CRYBG3: variants seen among roughly 807,000 people sequenced by gnomAD.
CRYBG3 encodes crystallin beta-gamma domain containing 3.
Under a neutral mutation model 244.2 loss-of-function variants are expected in CRYBG3, and 127 were observed. That is an observed-to-expected ratio of 0.52 (90% CI 0.45 to 0.60). The LOEUF (loss-of-function observed/expected upper bound fraction) is 0.60. Ranked by LOEUF, CRYBG3 falls within the 20% of genes least tolerant of loss-of-function variation. The pLI is 0.00. For synonymous variants in CRYBG3, 1,132 were observed against 1,195.8 expected (o/e 0.95, Z 1.10); for missense variants, 3,325 against 3,442.5 (o/e 0.97, Z 0.85).
chr3:97,873,149 T>G lies in CRYBG3; in HGVS notation c.1955T>G (p.Phe652Cys). The change falls in exon 4 of 22, where the codon TTC (phenylalanine) becomes TGC (cysteine). Residue 652 changes from phenylalanine (F) to cysteine (C), a missense_variant. Phe to Cys is a radical substitution (Grantham distance 205). Around this residue, in one of 4 missense-constraint regions of CRYBG3, gnomAD observed 1,526 missense variants for 1,443.2 expected, o/e 1.06. Transcript: ENST00000389622. ...AGCCTTGACTGTAAAAAACTAAATTTCAGTATTTCACCTCCTACCTTTGTT... is the reference window on the plus strand; with the variant it reads ...AGCCTTGACTGTAAAAAACTAAATTGCAGTATTTCACCTCCTACCTTTGTT... ...SLSLDCKKLN[F>C]SISPPTFVSG... 1 of 1,535,780 alleles carries G rather than the reference T, an allele frequency of 6.5e-7. No homozygotes were observed. Among genetic ancestry groups the G allele is most frequent in the Non-Finnish European group, 8.7e-7 (1 of 1,146,688 alleles).
intron 17 of CRYBG3, among the ~76,000 whole-genome samples, chr3:97,931,772 A>G (rs2040099845): frequency 6.6e-6 from 1 of 151,984 alleles, no homozygotes; most frequent in Non-Finnish European, 1.5e-5. Context: ...TGTCTGTTTT[A>G]TCACTGTGAT....
chr3:97,875,294 A>G lies in CRYBG3; in HGVS notation c.4100A>G (p.Gln1367Arg). ...EFLVSEQPVN[Q>R]STQISENKVL... ...TTGGTTTCAGAACAGCCAGTAAATC[A>G]AAGCACACAAATTAGTGAAAATAAA... is the stretch of plus-strand genomic sequence containing the variant. Residue 1367 changes from glutamine to arginine, a missense_variant, in exon 4 of 22, where the codon CAA becomes CGA. Transcript: ENST00000389622. 1 of 1,456,114 alleles carries G rather than the reference A, an allele frequency of 6.9e-7. No individual in the cohort carries two copies. The allele number at this position is 1,456,114 out of a possible 1,614,324, so 90.2% of individuals were successfully genotyped here. A position where few individuals can be genotyped will look rare whatever the true frequency, so the allele number is the denominator to read the frequency against.
chr3:97,891,177 G>A (rs572398465), intron 10 of CRYBG3, among the ~76,000 whole-genome samples: 14 of 152,238 alleles, frequency 9.2e-5, no homozygotes, highest in Non-Finnish European at 4.4e-5. Context: ...TCTCAAGAGA[G>A]TTCTTTAGGG....
chr3:97,868,308 G>C (rs917685181), intron 3 of CRYBG3, among the ~76,000 whole-genome samples: 2 of 150,736 alleles, frequency 1.3e-5, no homozygotes, highest in Non-Finnish European at 3.0e-5. Context: ...AAATATTATT[G>C]AATTGTGTGG....
chr3:97,897,350 C>T (rs965069696), intron 12 of CRYBG3, among the ~76,000 whole-genome samples: 25 of 151,964 alleles, frequency 1.6e-4, no homozygotes, highest in African/African-American at 6.0e-4. Flanking sequence ...TATCTTTGGG[C>T]CTGAAGCAAT....
intron 17 of CRYBG3, 124 bp from the exon 18 acceptor site, chr3:97,933,570 G>A: frequency 1.1e-6 from 1 of 947,230 alleles, no homozygotes; most frequent in Admixed American, 1.9e-5. Context: ...AGCAACCTTA[G>A]AGAGTAAAAC....
chr3:97,848,721 C>T (rs1165589519), intron 2 of CRYBG3, among the ~76,000 whole-genome samples: 1 of 152,234 alleles, frequency 6.6e-6, no homozygotes, highest in East Asian at 1.9e-4. Context: ...TACACCATTG[C>T]TCCTGGTGTC....
rs1228781606 is a variant in CRYBG3, at chr3:97,872,178, T to C, written c.984T>C (p.Ser328=). 1.2e-5 allele frequency: 18 copies of C among 1,535,518 alleles called. No individual in the cohort carries two copies. The highest frequency in any genetic ancestry group is 1.6e-5 in the Non-Finnish European group (18 of 1,146,514). ...ACCCAGAACTGCAGAATATTGCCTC[T>C]TCCAATAATCTTTTAAATAAAAATG... The part of the protein sequence containing the change: ...TNNPELQNIA[S]SNNLLNKNAW... The change falls in exon 4 of 22, where the codon TCT becomes TCC. Residue 328 remains serine (S), a synonymous_variant. Coordinates refer to ENST00000389622, the MANE Select transcript of CRYBG3 (RefSeq NM_153605.4).
chr3:97,862,502 C>G lies in CRYBG3; in HGVS notation c.217-1715C>G, dbSNP rs2039165098. On this transcript the variant is annotated intron_variant, in intron 2 of 21. Transcript: ENST00000389622. ...TTCATGTTCCAGTGTTCTTTTTGAC[C>G]TGGGGAGAAATATTGTGGCTAAAAG... Among the ~76,000 whole-genome samples the G allele has an allele frequency of 2.0e-5, 3 of 152,016 alleles. No homozygotes were observed. The South Asian group carries it at 6.2e-4, about 32-fold the overall frequency.
At chr3:97,902,164 T>TG (rs1301666272) in intron 15 of CRYBG3, among the ~76,000 whole-genome samples, 5 of 152,140 alleles carry the variant, frequency 3.3e-5, no homozygotes, top group African/African-American at 1.2e-4. Flanking sequence ...TGTGTTCAGA[T>TG]GGGGTACTAA....
intron 15 of CRYBG3, among the ~76,000 whole-genome samples, chr3:97,911,876 GA>G (rs2039876582): frequency 6.6e-6 from 1 of 152,158 alleles, no homozygotes; most frequent in Non-Finnish European, 1.5e-5. Flanking sequence ...GGAGGACTCT[GA>G]TGTACTCTTC....
chr3:97,873,938 C>T lies in CRYBG3; in HGVS notation c.2744C>T (p.Ala915Val), dbSNP rs1297579798. The stretch of plus-strand genomic sequence containing the variant: ...TGCCAAGCTGAGCTTTCTCCTGCTG[C>T]CTCCAAATATGAAGATAAGCCAGAA... ...ENCQAELSPA[A>V]SKYEDKPEPE... Residue 915 changes from alanine (A) to valine (V), a missense_variant, in exon 4 of 22, where the codon GCC becomes GTC. Ala to Val is a moderately conservative substitution (Grantham distance 64, BLOSUM62 0). Coordinates refer to ENST00000389622, the MANE Select transcript of CRYBG3 (RefSeq NM_153605.4). 1.3e-5 allele frequency: 20 copies of T among 1,535,584 alleles called. No individual in the cohort carries two copies. The highest frequency in any genetic ancestry group is 1.7e-5 in the Non-Finnish European group (20 of 1,146,792).
At chr3:97,930,864 T>A (rs2040090087) in intron 17 of CRYBG3, among the ~76,000 whole-genome samples, 1 of 152,028 alleles carries the variant, frequency 6.6e-6, no homozygotes. Flanking sequence ...TATTCACACA[T>A]TTCCTGATTT....
In CRYBG3 at chr3:97,874,498, C is replaced by T; in HGVS notation, c.3304C>T (p.Leu1102=). The T allele has an allele frequency of 1.3e-6, 2 of 1,534,154 alleles. No individual in the cohort carries two copies. The highest frequency in any genetic ancestry group is 1.7e-6 in the Non-Finnish European group (2 of 1,146,144). ...LTHEGTSVTN[L]LYPTTSYLEF... ...ACATGAAGGTACCTCTGTAACTAAC[C>T]TGTTGTACCCTACTACCTCTTATTT... The change falls in exon 4 of 22, where the codon CTG becomes TTG. Residue 1102 remains leucine, a synonymous_variant. Coordinates refer to ENST00000389622, the MANE Select transcript of CRYBG3 (RefSeq NM_153605.4).
At position 97,943,148 on chromosome 3, in the gene CRYBG3, CAGA is replaced by C. The variant is rs2040269332; in HGVS notation, c.8825-75_8825-73del. The C allele has an allele frequency of 3.8e-6, 3 of 784,722 alleles. No homozygotes were observed. The Admixed American group carries it at 7.0e-5, about 18-fold the overall frequency. 48.6% of individuals were successfully genotyped at this position (784,722 alleles called of 1,614,324 possible). On this transcript the variant is annotated intron_variant, in intron 21 of 21. Transcript: ENST00000389622. Reference sequence around the variant, plus strand: ...TCATCCACCGAAATGGTGAGCTGAACAGAAGCTTGTGAAAATTGTGAAATTGCT... The same window carrying C: ...TCATCCACCGAAATGGTGAGCTGAACAGCTTGTGAAAATTGTGAAATTGCT...
intron 1 of CRYBG3, among the ~76,000 whole-genome samples, chr3:97,838,256 C>T (rs2038761945): frequency 1.3e-5 from 2 of 152,188 alleles, no homozygotes; most frequent in South Asian, 2.1e-4. Context: ...GTAGTGTTTT[C>T]TAAATAATTG....
Position 97,872,637 on chromosome 3 carries a change from T to A in CRYBG3, c.1443T>A (p.Asp481Glu), listed in dbSNP as rs2039319056. The change falls in exon 4 of 22, where the codon GAT (aspartate) becomes GAA (glutamate). Residue 481 changes from aspartate to glutamate, a missense_variant. Asp to Glu is a conservative substitution (Grantham distance 45, BLOSUM62 2). Coordinates refer to ENST00000389622, the MANE Select transcript of CRYBG3 (RefSeq NM_153605.4). Reference protein sequence around the residue: ...ESECSDKQTIDSSSKQAATHT... With the variant: ...ESECSDKQTIESSSKQAATHT... The stretch of plus-strand genomic sequence containing the variant: ...AGTGTTCTGACAAGCAAACCATAGA[T>A]AGCTCATCAAAGCAAGCTGCCACTC... The A allele has an allele frequency of 6.5e-7, 1 of 1,535,784 alleles. No homozygotes were observed. Among genetic ancestry groups the A allele is most frequent in the Non-Finnish European group, 8.7e-7 (1 of 1,146,780 alleles).
At position 97,908,070 on chromosome 3, in the gene CRYBG3, C is replaced by G. The variant is rs527912361; in HGVS notation, c.8005-4097C>G. ...AGTTGAGAGGTTTTGAGTGAGATTC[C>G]TAATCCTGAGGTCTAGTTTGATTGC... On this transcript the variant is annotated intron_variant, in intron 15 of 21. Coordinates refer to ENST00000389622, the MANE Select transcript of CRYBG3 (RefSeq NM_153605.4). 2.0e-5 allele frequency among the ~76,000 whole-genome samples: 3 copies of G among 152,194 alleles called. No homozygotes were observed. In the South Asian group the frequency reaches 6.2e-4, roughly 32 times the overall value.
chr3:97,944,824 A>G lies in CRYBG3; in HGVS notation c.*1510A>G, dbSNP rs2040315919. 6.2e-6 allele frequency: 1 copy of G among 160,836 alleles called. No homozygotes were observed. The highest frequency in any genetic ancestry group is 6.4e-5 in the Admixed American group (1 of 15,510). The allele number at this position is 160,836 out of a possible 1,614,324, so 10.0% of individuals were successfully genotyped here. ...TTTTTTCTTATTTTAATTGTTTGAA[A>G]TTTTTCTAGAGCCAAAGAAGCTCTT... is the stretch of plus-strand genomic sequence containing the variant. On this transcript the variant is annotated 3_prime_UTR_variant, in exon 22 of 22. Coordinates refer to ENST00000389622, the MANE Select transcript of CRYBG3 (RefSeq NM_153605.4).
Sources: allele counts gnomAD v4.1 joint callset (sites outside exome capture counted in the v4.1 genomes callset), GRCh38; gene constraint gnomAD v4.1.1; regional missense constraint gnomAD v4.1.1; transcripts MANE v1.5; gene names NCBI Gene and HGNC (gene_info 2026-07-23, HGNC 2026-07-21).